FARS2: variants seen among roughly 807,000 people sequenced by gnomAD.
FARS2 encodes the protein phenylalanine--tRNA ligase, mitochondrial.
FARS2 carries 40 observed loss-of-function variants against 46.4 expected under a neutral mutation model. That is an observed-to-expected ratio of 0.86 (90% CI 0.67 to 1.12). The LOEUF is 1.12. Ranked by LOEUF, FARS2 falls within the 50% of genes most tolerant of loss-of-function variation. FARS2 has a pLI of 0.00. For missense variants in FARS2, 513 were observed against 567.9 expected (o/e 0.90, Z 0.98); for synonymous variants, 234 against 214.9 (o/e 1.09, Z -0.78).
intron 4 of FARS2, among the ~76,000 whole-genome samples, chr6:5,498,416 G>C (rs186317334): frequency 3.8e-4 from 58 of 152,222 alleles, no homozygotes; most frequent in Non-Finnish European, 6.3e-4. Flanking sequence ...GATCGGCCAA[G>C]TTAACCATCT....
chr6:5,588,096 TTC>T (rs1773716338), intron 5 of FARS2, among the ~76,000 whole-genome samples: 1 of 152,016 alleles, frequency 6.6e-6, no homozygotes, highest in Non-Finnish European at 1.5e-5. Context: ...ATAATCGAGT[TTC>T]CCCTTACTGT....
At chr6:5,747,393 G>A (rs1381643130) in intron 6 of FARS2, among the ~76,000 whole-genome samples, 2 of 152,246 alleles carry the variant, frequency 1.3e-5, no homozygotes, top group Non-Finnish European at 2.9e-5. Flanking sequence ...ATGTAAACAA[G>A]AGATGGTGGT....
chr6:5,624,506 G>A (rs552368967), intron 6 of FARS2, among the ~76,000 whole-genome samples: 13 of 152,332 alleles, frequency 8.5e-5, no homozygotes, highest in Admixed American at 3.9e-4. Context: ...GAGAGAAGCC[G>A]GGCGCTGAAG....
At position 5,359,029 on chromosome 6, in the gene FARS2, CCTTTTTTT is replaced by C. The variant is rs1167245212; in HGVS notation, c.-21-9520_-21-9513del. 1.7e-4 allele frequency among the ~76,000 whole-genome samples: 12 copies of C among 72,534 alleles called. 1 individual carries two copies. Among genetic ancestry groups the C allele is most frequent in the Admixed American group, 3.9e-4 (2 of 5,194 alleles). The allele number at this position is 72,534 out of a possible 152,430, so 47.6% of individuals were successfully genotyped here. On this transcript the variant is annotated intron_variant, in intron 1 of 6. Transcript: ENST00000274680. ...TCGAATTATAGTGATGAAAAGATAC[CCTTTTTTT>C]TTTTTTTTTTTTTTTTTTTTGATAT... is the stretch of plus-strand genomic sequence containing the variant.
At chr6:5,583,062 C>T (rs1773424943) in intron 5 of FARS2, among the ~76,000 whole-genome samples, 1 of 152,094 alleles carries the variant, frequency 6.6e-6, no homozygotes, top group Admixed American at 6.6e-5. Context: ...ATCATTAGAC[C>T]AGTGACACCC....
chr6:5,389,185 G>A (rs2503811), intron 2 of FARS2, among the ~76,000 whole-genome samples: 61,715 of 151,984 alleles, frequency 0.41, 14,442 homozygotes, highest in African/African-American at 0.63. Context: ...ATATTTTATG[G>A]CTTTGGACAT....
chr6:5,392,851 T>C (rs1019041474), intron 2 of FARS2, among the ~76,000 whole-genome samples: 1 of 122,236 alleles, frequency 8.2e-6, no homozygotes, highest in Non-Finnish European at 1.8e-5. Context: ...GTGTATATAT[T>C]ATATGTGTGT....
chr6:5,578,835 A>C (rs10900973), intron 5 of FARS2, among the ~76,000 whole-genome samples: 1 of 8,980 alleles, frequency 1.1e-4, no homozygotes, highest in Admixed American at 1.2e-3. Flanking sequence ...AAAAAAAAAC[A>C]AAAAAAAAAG....
intron 6 of FARS2, among the ~76,000 whole-genome samples, chr6:5,763,767 GGTT>G (rs1051277864): frequency 2.3e-3 from 54 of 23,460 alleles, no homozygotes; most frequent in Non-Finnish European, 5.9e-3. Context: ...CTTCCCTTTT[GGTT>G]TTTTTTTTTT....
intron 4 of FARS2, among the ~76,000 whole-genome samples, chr6:5,495,664 T>G (rs929977207): frequency 3.1e-4 from 47 of 152,210 alleles, no homozygotes; most frequent in South Asian, 2.1e-4. Context: ...TGTCAGATCA[T>G]TAGAAAGTTT....
At chr6:5,510,670 G>C (rs1040361029) in intron 4 of FARS2, among the ~76,000 whole-genome samples, 1 of 152,210 alleles carries the variant, frequency 6.6e-6, no homozygotes, top group Non-Finnish European at 1.5e-5. Context: ...CGCTGGCCGC[G>C]TGAGAAGCGA....
At chr6:5,546,255 CTTTTTTT>C (rs70975919) in intron 5 of FARS2, among the ~76,000 whole-genome samples, 1 of 122,140 alleles carries the variant, frequency 8.2e-6, no homozygotes, top group Non-Finnish European at 1.7e-5. Flanking sequence ...CAATTTTGTA[CTTTTTTT>C]TTTTTTTTTT....
At chr6:5,300,923 T>G (rs1768255294) in intron 1 of FARS2, among the ~76,000 whole-genome samples, 1 of 152,098 alleles carries the variant, frequency 6.6e-6, no homozygotes, top group African/African-American at 2.4e-5. Flanking sequence ...TTTGTAGAGA[T>G]GGGGTCTTGC....
intron 2 of FARS2, among the ~76,000 whole-genome samples, chr6:5,382,644 T>C (rs943450759): frequency 2.0e-5 from 3 of 152,190 alleles, no homozygotes; most frequent in African/African-American, 7.2e-5. Context: ...GATCCACTGA[T>C]AGTTTACTTC....
chr6:5,552,046 A>G (rs1400325476), intron 5 of FARS2, among the ~76,000 whole-genome samples: 1 of 152,228 alleles, frequency 6.6e-6, no homozygotes. Flanking sequence ...GCTATTATTT[A>G]GCCTATCACT....
intron 6 of FARS2, among the ~76,000 whole-genome samples, chr6:5,619,936 C>T (rs1775676504): frequency 6.6e-6 from 1 of 152,160 alleles, no homozygotes; most frequent in South Asian, 2.1e-4. Flanking sequence ...CATCTCAACA[C>T]CCGAACACAA....
intron 4 of FARS2, among the ~76,000 whole-genome samples, chr6:5,504,543 A>C (rs910154991): frequency 6.6e-6 from 1 of 151,930 alleles, no homozygotes; most frequent in Non-Finnish European, 1.5e-5. Flanking sequence ...AATAGTGTGG[A>C]CTTAACAGAA....
intron 1 of FARS2, among the ~76,000 whole-genome samples, chr6:5,305,392 C>T (rs1406979156): frequency 2.0e-5 from 3 of 152,128 alleles, no homozygotes; most frequent in Non-Finnish European, 2.9e-5. Flanking sequence ...CCTCATAGTC[C>T]CAGGCATTTT....
intron 2 of FARS2, among the ~76,000 whole-genome samples, chr6:5,392,382 A>G (rs1241439854): frequency 1.3e-5 from 2 of 152,156 alleles, no homozygotes; most frequent in African/African-American, 2.4e-5. Context: ...ACTGTGTTTT[A>G]CAGTTATATT....
Sources: allele counts gnomAD v4.1 joint callset (sites outside exome capture counted in the v4.1 genomes callset), GRCh38; gene constraint gnomAD v4.1.1; transcripts MANE v1.5; gene names NCBI Gene and HGNC (gene_info 2026-07-23, HGNC 2026-07-21).